PRKCZ: variants seen among roughly 807,000 people sequenced by gnomAD.
PRKCZ encodes the protein protein kinase C zeta type.
In PRKCZ, 33 loss-of-function variants were observed where a neutral mutation model predicts 79.5. The ratio of observed to expected loss-of-function variants is 0.41; its 90% confidence interval spans 0.31 to 0.55. The LOEUF is 0.55. Among genes scored for constraint, PRKCZ ranks in the 20% least tolerant of loss-of-function variants. PRKCZ has a pLI of 0.19. For synonymous variants in PRKCZ, 342 were observed against 320.9 expected, an observed-to-expected ratio of 1.07 and a Z score of -0.70; for missense variants, 578 against 813.5, an observed-to-expected ratio of 0.71 and a Z score of 3.52.
chr1:2,102,622 G>A (rs60548987), intron 4 of PRKCZ, among the ~76,000 whole-genome samples: 1,844 of 152,256 alleles, frequency 0.012, 27 homozygotes, highest in African/African-American at 0.034. Flanking sequence ...GTGAGCCACC[G>A]TGCCCGGCCC....
At chr1:2,093,600 T>C (rs959585320) in intron 4 of PRKCZ, among the ~76,000 whole-genome samples, 1 of 152,016 alleles carries the variant, frequency 6.6e-6, no homozygotes, top group Non-Finnish European at 1.5e-5. Flanking sequence ...CAGTGGCTGG[T>C]GCCCTCCTCA....
chr1:2,115,018 C>T (rs1670472488), intron 4 of PRKCZ, among the ~76,000 whole-genome samples: 1 of 152,290 alleles, frequency 6.6e-6, no homozygotes, highest in Non-Finnish European at 1.5e-5. Context: ...CCGTGTGTAG[C>T]TTGTCCTCTG....
At chr1:2,129,060 G>A (rs568666020) in intron 4 of PRKCZ, among the ~76,000 whole-genome samples, 2 of 152,130 alleles carry the variant, frequency 1.3e-5, no homozygotes, top group African/African-American at 2.4e-5. Context: ...GGTGGGGACC[G>A]CCAGGTCCCC....
chr1:2,178,964 A>G lies in PRKCZ; in HGVS notation c.1575+3651A>G, dbSNP rs1686010581. Among the ~76,000 whole-genome samples the G allele has an allele frequency of 6.6e-6, 1 of 152,198 alleles. No homozygotes were observed. Among genetic ancestry groups the G allele is most frequent in the African/African-American group, 2.4e-5 (1 of 41,442 alleles). ...CTCCTTGCCTATCCCCAGCTGAACCAGCACCACTCAGGCAGTCGCCGCCAC... is the reference window on the plus strand; with the variant it reads ...CTCCTTGCCTATCCCCAGCTGAACCGGCACCACTCAGGCAGTCGCCGCCAC... On this transcript the variant is annotated intron_variant, in intron 16 of 17. Transcript: ENST00000378567. This position sits in a 1 kb window ranked among gnomAD's most constrained non-coding sequence, Gnocchi z 4.3.
intron 9 of PRKCZ, among the ~76,000 whole-genome samples, chr1:2,151,582 C>T (rs1043536565): frequency 7.9e-5 from 12 of 152,182 alleles, no homozygotes; most frequent in African/African-American, 2.7e-4. Flanking sequence ...GCTGAGCTGC[C>T]GTGGCTCTGT....
Position 2,082,344 on chromosome 1 carries a change from T to G in PRKCZ, c.334+22753T>G, listed in dbSNP as rs1244434969. ...AGATGGACTTGGCAAATCACCTCTT[T>G]CAAGTTGCCGGCTACCCGGCTGCCG... On this transcript the variant is annotated intron_variant, in intron 4 of 17. Transcript: ENST00000378567. The surrounding 1 kb of genome is among the most constrained non-coding windows in gnomAD (Gnocchi z 4.4). 1 of 455,782 alleles carries G rather than the reference T, an allele frequency of 2.2e-6. No homozygotes were observed. The allele number at this position is 455,782 out of a possible 1,614,324, so 28.2% of individuals were successfully genotyped here. A position where few individuals can be genotyped will look rare whatever the true frequency, so the allele number is the denominator to read the frequency against.
chr1:2,061,891 G>A (rs1020300627), intron 4 of PRKCZ, among the ~76,000 whole-genome samples: 10 of 152,210 alleles, frequency 6.6e-5, no homozygotes, highest in South Asian at 2.1e-4. Context: ...AGTGGCCGCC[G>A]CCTGGGGCTC....
chr1:2,184,848 C>T (rs45459595), intron 17 of PRKCZ, 74 bp from the exon 18 acceptor site: 23,755 of 1,439,012 alleles, frequency 0.017, 238 homozygotes, highest in Non-Finnish European at 0.02. Context: ...GATTCTTATG[C>T]GAACGTGACT....
chr1:2,124,104 C>T lies in PRKCZ; in HGVS notation c.335-11158C>T, dbSNP rs1244413796. Among the ~76,000 whole-genome samples, 7 of 1,276 alleles carry T rather than the reference C, an allele frequency of 5.5e-3. 2 individuals carry two copies. The highest frequency in any genetic ancestry group is 0.05 in the Admixed American group (3 of 60). The allele number at this position is 1,276 out of a possible 152,430, so 0.8% of individuals were successfully genotyped here. On this transcript the variant is annotated intron_variant, in intron 4 of 17. Coordinates refer to ENST00000378567, the MANE Select transcript of PRKCZ (RefSeq NM_002744.6). ...ACGGCGGCGGTTAGGGTCACGGCGA[C>T]GGTTAGGGTCACGGCGGTGGTTAGG...
chr1:2,072,248 G>A (rs1661666054), intron 4 of PRKCZ, among the ~76,000 whole-genome samples: 1 of 152,246 alleles, frequency 6.6e-6, no homozygotes, highest in African/African-American at 2.4e-5. Flanking sequence ...TTTGAACCCG[G>A]GGCTCTGGCC....
intron 4 of PRKCZ, among the ~76,000 whole-genome samples, chr1:2,111,016 T>A (rs889869193): frequency 2.6e-5 from 4 of 152,084 alleles, no homozygotes; most frequent in African/African-American, 9.7e-5. Context: ...GTGCCCGCCC[T>A]GAGGGCGGGA....
At chr1:2,119,631 T>G (rs781575687) in intron 4 of PRKCZ, among the ~76,000 whole-genome samples, 1 of 152,238 alleles carries the variant, frequency 6.6e-6, no homozygotes, top group African/African-American at 2.4e-5. Context: ...AAGTGTTGTC[T>G]TAGACAGTGG....
chr1:2,077,804 A>G (rs572736484), intron 4 of PRKCZ, among the ~76,000 whole-genome samples: 5 of 152,090 alleles, frequency 3.3e-5, no homozygotes, highest in Admixed American at 6.5e-5. Context: ...TTACTTCCCT[A>G]CTTTCTCTGG....
At chr1:2,085,491 G>A (rs1306963649) in intron 4 of PRKCZ, among the ~76,000 whole-genome samples, 9 of 152,262 alleles carry the variant, frequency 5.9e-5, no homozygotes, top group African/African-American at 1.9e-4. Context: ...GGTGCTTTTT[G>A]CCAAACCTCA....
chr1:2,135,311 C>T lies in PRKCZ; in HGVS notation c.384C>T (p.Ala128=), dbSNP rs778140577. 5 of 1,613,432 alleles carry T rather than the reference C, an allele frequency of 3.1e-6. No individual in the cohort carries two copies. The highest frequency in any genetic ancestry group is 4.2e-6 in the Non-Finnish European group (5 of 1,179,812). The change falls in exon 5 of 18, where the codon GCC becomes GCT. Residue 128 remains alanine (A), a synonymous_variant. Transcript: ENST00000378567. ...GAAGATGGAGGAAGCTGTACCGTGCCAACGGCCACCTCTTCCAAGCCAAGC... is the reference window on the plus strand; with the variant it reads ...GAAGATGGAGGAAGCTGTACCGTGCTAACGGCCACCTCTTCCAAGCCAAGC... ...GARRWRKLYR[A]NGHLFQAKRF...
chr1:2,064,973 A>G (rs560438398), intron 4 of PRKCZ, among the ~76,000 whole-genome samples: 8 of 152,356 alleles, frequency 5.3e-5, no homozygotes, highest in African/African-American at 9.6e-5. Context: ...AAGACTTCCA[A>G]TCCATGAACT....
At chr1:2,166,734 G>T (rs1683398885) in intron 10 of PRKCZ, among the ~76,000 whole-genome samples, 1 of 152,152 alleles carries the variant, frequency 6.6e-6, no homozygotes, top group African/African-American at 2.4e-5. Context: ...GGCACCTTCA[G>T]CCCCCCACCC....
chr1:2,081,244 G>A (rs1663452283), intron 4 of PRKCZ, among the ~76,000 whole-genome samples: 1 of 152,042 alleles, frequency 6.6e-6, no homozygotes, highest in East Asian at 1.9e-4. Flanking sequence ...TCATACTTGG[G>A]TTAGAATCGG....
At chr1:2,119,301 A>G (rs941015730) in intron 4 of PRKCZ, among the ~76,000 whole-genome samples, 12 of 137,930 alleles carry the variant, frequency 8.7e-5, no homozygotes, top group Admixed American at 1.7e-4. Context: ...TGCAACCTCC[A>G]CCTCCTGGGT....
Sources: allele counts gnomAD v4.1 joint callset (sites outside exome capture counted in the v4.1 genomes callset), GRCh38; gene constraint gnomAD v4.1.1; non-coding constraint Gnocchi (gnomAD v3.1); transcripts MANE v1.5; gene names NCBI Gene and HGNC (gene_info 2026-07-23, HGNC 2026-07-21).